The following TGM2 variants were observed in gnomAD, a reference collection of about 807,000 sequenced individuals.
The protein encoded by TGM2 is transglutaminase 2.
TGM2 carries 53 observed loss-of-function variants against 75.6 expected under a neutral mutation model. The observed-to-expected ratio is 0.70, with a 90% confidence interval of 0.56 to 0.88. TGM2 has a LOEUF of 0.88. Ranked by LOEUF, TGM2 falls within the 40% of genes least tolerant of loss-of-function variation. The probability of loss-of-function intolerance (pLI) is 0.00; values close to 1 mark genes in which losing one functional copy is unlikely to be tolerated. For missense variants in TGM2, 842 were observed against 928.5 expected, an observed-to-expected ratio of 0.91 and a Z score of 1.21; for synonymous variants, 374 against 381.1, an observed-to-expected ratio of 0.98 and a Z score of 0.22.
Position 38,132,477 on chromosome 20 carries a change from G to A in TGM2, c.1639C>T (p.Leu547Phe), listed in dbSNP as rs2047126262. ...AGGCAGTCACGGTATTTCTCATAGAGGATGCAAAGAGGAACGCTCTTCTCT... is the reference window on the plus strand; with the variant it reads ...AGGCAGTCACGGTATTTCTCATAGAAGATGCAAAGAGGAACGCTCTTCTCT... ...FSEKSVPLCI[L>F]YEKYRDCLTE... The change falls in exon 11 of 13, where the codon CTC (leucine) becomes TTC (phenylalanine). Residue 547 changes from leucine to phenylalanine, a missense_variant. Transcript: ENST00000361475. 6.2e-7 allele frequency: 1 copy of A among 1,614,168 alleles called. No homozygotes were observed. Among genetic ancestry groups the A allele is most frequent in the South Asian group, 1.1e-5 (1 of 91,076 alleles).
intron 3 of TGM2, 100 bp from the exon 4 acceptor site, chr20:38,151,157 C>T (rs2075111955): frequency 6.1e-6 from 5 of 824,038 alleles, no homozygotes; most frequent in Admixed American, 3.4e-5. Context: ...GCCAAGCCAG[C>T]GTCTCAGGGA....
chr20:38,131,138 G>C lies in TGM2; in HGVS notation c.1868C>G (p.Thr623Ser). 6.2e-7 allele frequency: 1 copy of C among 1,613,630 alleles called. No individual in the cohort carries two copies. Among genetic ancestry groups the C allele is most frequent in the Non-Finnish European group, 8.5e-7 (1 of 1,179,998 alleles). ...LPVALEGCTF[T>S]VEGAGLTEEQ... The stretch of plus-strand genomic sequence containing the variant: ...CTCAGTCAGGCCGGCCCCCTCCACA[G>C]TGAAGGTGCAGCCTTCCAGGGCCAC... Residue 623 changes from threonine to serine, a missense_variant, in exon 12 of 13, where the codon ACT becomes AGT. Transcript: ENST00000361475.
At chr20:38,160,642 C>A (rs2075241915) in intron 2 of TGM2, among the ~76,000 whole-genome samples, 1 of 152,116 alleles carries the variant, frequency 6.6e-6, no homozygotes, top group South Asian at 2.1e-4. Context: ...ATTGAGGCAG[C>A]CTCCTAATGC....
At chr20:38,144,439 G>A (rs761198009) in intron 6 of TGM2, among the ~76,000 whole-genome samples, 4 of 152,160 alleles carry the variant, frequency 2.6e-5, no homozygotes, top group Non-Finnish European at 5.9e-5. Flanking sequence ...TGCCCGTTAC[G>A]GCAAACGTCG....
Position 38,149,400 on chromosome 20 carries a change from G to A in TGM2, c.553-1311C>T, listed in dbSNP as rs556922018. On this transcript the variant is annotated intron_variant, in intron 4 of 12. Transcript: ENST00000361475. ...GATACAAAACAAGACCCTGTGGGCC[G>A]GGCGCGGTGGCTCACGCCTGTAATC... 2.8e-4 allele frequency among the ~76,000 whole-genome samples: 42 copies of A among 152,228 alleles called. 1 individual carries two copies. Among genetic ancestry groups the A allele is most frequent in the Admixed American group, 7.8e-4 (12 of 15,294 alleles).
Position 38,161,565 on chromosome 20 carries a change from C to T in TGM2, c.45G>A (p.Glu15=). ...CCGTGTGGTGGTCTCGGCCATTGGTCTCCAGCTCCAGATCACACCTCTCTA... is the reference window on the plus strand; with the variant it reads ...CCGTGTGGTGGTCTCGGCCATTGGTTTCCAGCTCCAGATCACACCTCTCTA... The part of the protein sequence containing the change: ...LVLERCDLEL[E]TNGRDHHTAD... The change falls in exon 2 of 13, where the codon GAG becomes GAA. Residue 15 remains glutamate (E), a synonymous_variant. Coordinates refer to ENST00000361475, the MANE Select transcript of TGM2 (RefSeq NM_004613.4). 6.2e-7 allele frequency: 1 copy of T among 1,614,210 alleles called. No individual in the cohort carries two copies. The highest frequency in any genetic ancestry group is 8.5e-7 in the Non-Finnish European group (1 of 1,180,038).
rs2075070614 is a variant in TGM2 at position 38,148,218 on chromosome 20, G to A, written c.553-129C>T. 5 of 1,242,034 alleles carry A rather than the reference G, an allele frequency of 4.0e-6. No individual in the cohort carries two copies. In the Admixed American group the frequency reaches 5.7e-5, roughly 14 times the overall value. 76.9% of individuals were successfully genotyped at this position (1,242,034 alleles called of 1,614,324 possible). A position where few individuals can be genotyped will look rare whatever the true frequency, so the allele number is the denominator to read the frequency against. On this transcript the variant is annotated intron_variant, in intron 4 of 12. Coordinates refer to ENST00000361475, the MANE Select transcript of TGM2 (RefSeq NM_004613.4). ...CAGCAGACTGGGACACTCCGGCCGA[G>A]TCTACCAAATCTCTCTGGTGGCAGC...
Position 38,130,101 on chromosome 20 carries a change from A to G in TGM2, c.*118T>C. ...ACATTCCATTTCCGAGAGCCCCCAT[A>G]GGCTGCCCACCCTGCCCTGGGGTCT... is the stretch of plus-strand genomic sequence containing the variant. On this transcript the variant is annotated 3_prime_UTR_variant, in exon 13 of 13. Coordinates refer to ENST00000361475, the MANE Select transcript of TGM2 (RefSeq NM_004613.4). The G allele has an allele frequency of 7.1e-7, 1 of 1,418,434 alleles. No homozygotes were observed. Among genetic ancestry groups the G allele is most frequent in the South Asian group, 1.3e-5 (1 of 78,212 alleles). 87.9% of individuals were successfully genotyped at this position (1,418,434 alleles called of 1,614,324 possible).
intron 1 of TGM2, among the ~76,000 whole-genome samples, chr20:38,162,692 G>A (rs1437247468): frequency 6.6e-6 from 1 of 152,074 alleles, no homozygotes; most frequent in East Asian, 1.9e-4. Flanking sequence ...AAGAATTTTT[G>A]TTAATTTGTT....
chr20:38,141,936 C>T (rs561617076), intron 7 of TGM2, 128 bp downstream of exon 7: 1 of 1,164,626 alleles, frequency 8.6e-7, no homozygotes, highest in Middle Eastern at 1.9e-4. Flanking sequence ...CTTCCCCAAG[C>T]CTGCTCAAAT....
At chr20:38,133,016 T>C in intron 10 of TGM2, 1 of 366,016 alleles carries the variant, frequency 2.7e-6, no homozygotes, top group East Asian at 7.4e-5. Flanking sequence ...CTAAAAGGCT[T>C]GTACGTGTAT....
At chr20:38,147,235 C>T (rs1170781640) in intron 5 of TGM2, among the ~76,000 whole-genome samples, 3 of 152,084 alleles carry the variant, frequency 2.0e-5, no homozygotes, top group Non-Finnish European at 4.4e-5. Context: ...CCCCCCACCC[C>T]AGATTGTGTC....
At chr20:38,152,704 C>G (rs913635236) in intron 3 of TGM2, among the ~76,000 whole-genome samples, 3 of 152,232 alleles carry the variant, frequency 2.0e-5, no homozygotes, top group African/African-American at 7.2e-5. Context: ...CCCTTTCCCA[C>G]CCATCAGACT....
chr20:38,137,376 T>A (rs532274172), intron 10 of TGM2, among the ~76,000 whole-genome samples: 1 of 152,114 alleles, frequency 6.6e-6, no homozygotes, highest in South Asian at 2.1e-4. Context: ...TCCCAGCTAC[T>A]TGGGAGGCTG....
chr20:38,138,129 G>C lies in TGM2; in HGVS notation c.1599C>G (p.Asn533Lys). The C allele has an allele frequency of 6.3e-7, 1 of 1,595,854 alleles. No individual in the cohort carries two copies. The change falls in exon 10 of 13, where the codon AAC becomes AAG. Residue 533 changes from asparagine (N) to lysine (K), a missense_variant. Physicochemically the swap from Asn to Lys is moderately conservative, Grantham distance 94. Coordinates refer to ENST00000361475, the MANE Select transcript of TGM2 (RefSeq NM_004613.4). ...ECGTKYLLNL[N>K]LEPFSEKSVP... ...GGGCTTTACCAGAGAAAGGCTCCAG[G>C]TTGAGGTTGAGCAGGTACTTGGTGC...
chr20:38,165,173 T>C lies in TGM2; in HGVS notation c.10+16A>G, dbSNP rs774792001. On this transcript the variant is annotated intron_variant, in intron 1 of 12. Transcript: ENST00000361475. The stretch of plus-strand genomic sequence containing the variant: ...CGGGGCCCCTGAGTGGCGGCTGCGG[T>C]GACTCTGATACTCACCCTCGGCCAT... 6.2e-7 allele frequency: 1 copy of C among 1,611,614 alleles called. No individual in the cohort carries two copies. The highest frequency in any genetic ancestry group is 1.7e-5 in the Admixed American group (1 of 59,856).
intron 6 of TGM2, among the ~76,000 whole-genome samples, chr20:38,144,471 A>G (rs1244992300): frequency 1.3e-5 from 2 of 152,178 alleles, no homozygotes; most frequent in South Asian, 2.1e-4. Context: ...TGGCTGATTC[A>G]TGGACATTGA....
At chr20:38,162,069 C>T (rs1038618994) in intron 1 of TGM2, among the ~76,000 whole-genome samples, 1 of 152,212 alleles carries the variant, frequency 6.6e-6, no homozygotes, top group Non-Finnish European at 1.5e-5. Flanking sequence ...ATGGCTCCTG[C>T]CTTGACCTAC....
intron 2 of TGM2, among the ~76,000 whole-genome samples, chr20:38,159,157 C>T (rs45546332): frequency 2.0e-3 from 297 of 152,226 alleles, no homozygotes; most frequent in African/African-American, 6.4e-3. Flanking sequence ...CCTAACACTA[C>T]GCTGCCCAGA....
Sources: allele counts gnomAD v4.1 joint callset (sites outside exome capture counted in the v4.1 genomes callset), GRCh38; gene constraint gnomAD v4.1.1; transcripts MANE v1.5; gene names NCBI Gene and HGNC (gene_info 2026-07-23, HGNC 2026-07-21).